DCHS2: variants seen among roughly 807,000 people sequenced by gnomAD.
DCHS2 encodes dachsous cadherin-related 2.
DCHS2 carries 142 observed loss-of-function variants against 182.4 expected under a neutral mutation model. The observed-to-expected ratio is 0.78, with a 90% CI of 0.68 to 0.89. DCHS2 has a LOEUF of 0.89. Among genes scored for constraint, DCHS2 ranks in the 40% least tolerant of loss-of-function variants. The pLI, the probability that DCHS2 is intolerant of heterozygous loss-of-function variation, is 0.00. For missense variants in DCHS2, 4,319 were observed against 4,198.6 expected (o/e 1.03, Z -0.79); for synonymous variants, 1,740 against 1,663.3 (o/e 1.05, Z -1.12).
rs143504477 is a variant in DCHS2 at position 154,269,808 on chromosome 4, C to T, written c.6577+92G>A. ...TCTTTCTTGCTTACCTTTTAAATTA[C>T]TTAGCTCTAACAATTTCTACTTTGC... is the stretch of plus-strand genomic sequence containing the variant. On this transcript the variant is annotated intron_variant, in intron 14 of 19. Coordinates refer to ENST00000357232, the MANE Select transcript of DCHS2 (RefSeq NM_001358235.2). The T allele has an allele frequency of 3.6e-4, 533 of 1,472,392 alleles. 1 individual carries two copies. The African/African-American group carries it at 5.0e-3, about 14-fold the overall frequency. The allele number at this position is 1,472,392 out of a possible 1,614,324, so 91.2% of individuals were successfully genotyped here. A position where few individuals can be genotyped will look rare whatever the true frequency, so the allele number is the denominator to read the frequency against.
intron 1 of DCHS2, among the ~76,000 whole-genome samples, chr4:154,434,317 G>A (rs915658737): frequency 2.0e-5 from 3 of 152,116 alleles, no homozygotes; most frequent in African/African-American, 7.2e-5. Flanking sequence ...AGCTCCTTGC[G>A]GGGCTGAGGT....
intron 3 of DCHS2, chr4:154,357,388 G>A: frequency 9.6e-7 from 1 of 1,043,250 alleles, no homozygotes; most frequent in Non-Finnish European, 1.5e-6. Context: ...AAGCAGGTAA[G>A]CTATAAGTCT....
intron 1 of DCHS2, among the ~76,000 whole-genome samples, chr4:154,458,299 T>C (rs1420575778): frequency 2.0e-5 from 3 of 151,624 alleles, no homozygotes; most frequent in Admixed American, 1.3e-4. Context: ...TATTTCCAAA[T>C]GAATGGAATT....
At position 154,259,567 on chromosome 4, in the gene DCHS2, A is replaced by T; in HGVS notation, c.6767T>A (p.Leu2256His). 1 of 1,613,880 alleles carries T rather than the reference A, an allele frequency of 6.2e-7. No individual in the cohort carries two copies. The highest frequency in any genetic ancestry group is 8.5e-7 in the Non-Finnish European group (1 of 1,179,994). ...TACCTGTATGACATGAGCATTGTAG[A>T]GTTGGCTTTCAGACACTGATGCCTG... is the stretch of plus-strand genomic sequence containing the variant. The part of the protein sequence containing the change: ...IYQASVSESQ[L>H]YNAHVIQVFA... The change falls in exon 15 of 20, where the codon CTC (leucine) becomes CAC (histidine). Residue 2256 changes from leucine (L) to histidine (H), a missense_variant. Leu to His is a moderately conservative substitution (Grantham distance 99). Coordinates refer to ENST00000357232, the MANE Select transcript of DCHS2 (RefSeq NM_001358235.2).
At position 154,237,078 on chromosome 4, in the gene DCHS2, C is replaced by G. The variant is rs750646048; in HGVS notation, c.7574G>C (p.Gly2525Ala). 4 of 1,613,830 alleles carry G rather than the reference C, an allele frequency of 2.5e-6. No homozygotes were observed. In the East Asian group the frequency reaches 8.9e-5, roughly 36 times the overall value. The stretch of plus-strand genomic sequence containing the variant: ...AGTAAGAGCTCTCAGGTCAGGATTT[C>G]CACCATCACTGGCTTCCACAAGAAA... The part of the protein sequence containing the change: ...TQFLVEASDG[G>A]NPDLRALTLV... Residue 2525 changes from glycine (G) to alanine (A), a missense_variant, in exon 20 of 20, where the codon GGA becomes GCA. Gly to Ala is a moderately conservative substitution (Grantham distance 60). Coordinates refer to ENST00000357232, the MANE Select transcript of DCHS2 (RefSeq NM_001358235.2).
rs145547855 is a variant in DCHS2, at chr4:154,372,777, A to T, written c.2244+4476T>A. Among the ~76,000 whole-genome samples, 375 of 152,350 alleles carry T rather than the reference A, an allele frequency of 2.5e-3. 2 individuals carry two copies. The highest frequency in any genetic ancestry group is 8.5e-3 in the African/African-American group (354 of 41,582). ...TCTCATGACTTATGAGATAAATAGCAGCAGCAGTAGCAGCAGCAGCAAAAA... is the reference window on the plus strand; with the variant it reads ...TCTCATGACTTATGAGATAAATAGCTGCAGCAGTAGCAGCAGCAGCAAAAA... On this transcript the variant is annotated intron_variant, in intron 2 of 19. Transcript: ENST00000357232.
intron 1 of DCHS2, among the ~76,000 whole-genome samples, chr4:154,413,228 A>G (rs1002278407): frequency 3.3e-5 from 5 of 152,128 alleles, no homozygotes; most frequent in African/African-American, 1.2e-4. Context: ...TTAACAATCT[A>G]TCCATTCCTT....
intron 9 of DCHS2, among the ~76,000 whole-genome samples, chr4:154,317,973 A>G (rs528413778): frequency 3.5e-4 from 54 of 152,300 alleles, no homozygotes; most frequent in African/African-American, 1.3e-3. Context: ...GTATAATCTC[A>G]AAGATAAATT....
At chr4:154,370,267 T>C (rs1486652255) in intron 2 of DCHS2, among the ~76,000 whole-genome samples, 2 of 151,750 alleles carry the variant, frequency 1.3e-5, no homozygotes, top group Non-Finnish European at 2.9e-5. Context: ...AAATAAAGAA[T>C]CCCAGGTTAT....
At chr4:154,248,985 A>G (rs548853951) in intron 16 of DCHS2, among the ~76,000 whole-genome samples, 12 of 152,328 alleles carry the variant, frequency 7.9e-5, no homozygotes, top group South Asian at 2.1e-4. Flanking sequence ...TAGAAATCCT[A>G]GAAGAAAACC....
intron 1 of DCHS2, among the ~76,000 whole-genome samples, chr4:154,401,177 T>G (rs988015016): frequency 1.3e-5 from 2 of 152,242 alleles, no homozygotes; most frequent in African/African-American, 4.8e-5. Context: ...TTTTGATTCT[T>G]TTTTCATTCA....
At chr4:154,313,438 C>T (rs1334675307) in intron 10 of DCHS2, among the ~76,000 whole-genome samples, 1 of 152,084 alleles carries the variant, frequency 6.6e-6, no homozygotes, top group East Asian at 1.9e-4. Flanking sequence ...TTAAAAACTG[C>T]ATCGTAGAAT....
intron 12 of DCHS2, among the ~76,000 whole-genome samples, chr4:154,301,499 TATTTA>T (rs1377874476): frequency 1.3e-5 from 2 of 152,022 alleles, no homozygotes; most frequent in African/African-American, 4.8e-5. Flanking sequence ...TTTATTTATT[TATTTA>T]TTTTTATTTT....
chr4:154,280,767 C>A (rs1413725018), intron 13 of DCHS2, among the ~76,000 whole-genome samples: 1 of 150,900 alleles, frequency 6.6e-6, no homozygotes, highest in African/African-American at 2.4e-5. Flanking sequence ...ACACAACACT[C>A]AACAGTGAAA....
intron 1 of DCHS2, among the ~76,000 whole-genome samples, chr4:154,468,899 T>A (rs1046984265): frequency 6.6e-6 from 1 of 152,078 alleles, no homozygotes; most frequent in African/African-American, 2.4e-5. Context: ...TAGAGACTGG[T>A]GGAAGAAGAG....
intron 15 of DCHS2, 101 bp downstream of exon 15, chr4:154,259,444 A>G (rs1216387461): frequency 6.6e-7 from 1 of 1,518,042 alleles, no homozygotes; most frequent in Admixed American, 1.9e-5. Flanking sequence ...GGGATTAGAA[A>G]TTTTTATGTA....
Position 154,441,826 on chromosome 4 carries a change from A to G in DCHS2, c.2052+47478T>C, listed in dbSNP as rs183818004. Among the ~76,000 whole-genome samples the G allele has an allele frequency of 2.6e-5, 4 of 152,224 alleles. No homozygotes were observed. In the East Asian group the frequency reaches 7.7e-4, roughly 29 times the overall value. ...TAATAAACATAAATGTACACATATGACCAATAAGCTCTTGTGGTTGAAAGG... is the reference window on the plus strand; with the variant it reads ...TAATAAACATAAATGTACACATATGGCCAATAAGCTCTTGTGGTTGAAAGG... On this transcript the variant is annotated intron_variant, in intron 1 of 19. Transcript: ENST00000357232.
chr4:154,406,455 A>G (rs1292326215), intron 1 of DCHS2, among the ~76,000 whole-genome samples: 2 of 152,214 alleles, frequency 1.3e-5, no homozygotes, highest in Non-Finnish European at 2.9e-5. Context: ...CCAACACCTG[A>G]AAACATCTGT....
intron 1 of DCHS2, among the ~76,000 whole-genome samples, chr4:154,454,718 G>C (rs1032288571): frequency 6.6e-6 from 1 of 152,188 alleles, no homozygotes; most frequent in African/African-American, 2.4e-5. Flanking sequence ...AGGCTCCCCA[G>C]AGTCCACAAA....
Sources: allele counts gnomAD v4.1 joint callset (sites outside exome capture counted in the v4.1 genomes callset), GRCh38; gene constraint gnomAD v4.1.1; transcripts MANE v1.5; gene names NCBI Gene and HGNC (gene_info 2026-07-23, HGNC 2026-07-21).